Variants in PRRC2B observed in about 807,000 individuals in gnomAD.
The protein encoded by PRRC2B is proline rich coiled-coil 2B.
PRRC2B carries 68 observed loss-of-function variants against 242.3 expected under a neutral mutation model. That is an observed-to-expected ratio of 0.28 (90% CI 0.23 to 0.34). PRRC2B has a LOEUF of 0.34. Among genes scored for constraint, PRRC2B ranks in the 10% least tolerant of loss-of-function variants. The pLI, the probability that PRRC2B is intolerant of heterozygous loss-of-function variation, is 1.00. For missense variants in PRRC2B, 2,835 were observed against 2,954.8 expected, an observed-to-expected ratio of 0.96 and a Z score of 0.94; for synonymous variants, 1,228 against 1,173.6, an observed-to-expected ratio of 1.05 and a Z score of -0.95.
chr9:131,430,772 T>C (rs1426982342), intron 2 of PRRC2B, among the ~76,000 whole-genome samples: 5 of 150,896 alleles, frequency 3.3e-5, no homozygotes, highest in African/African-American at 1.2e-4. Context: ...TTTGTATTTT[T>C]AGTAGAGATG....
intron 31 of PRRC2B, 64 bp from the exon 32 acceptor site, chr9:131,495,676 A>G: frequency 6.4e-7 from 1 of 1,555,978 alleles, no homozygotes; most frequent in Non-Finnish European, 8.8e-7. Context: ...AGTGGTGGGA[A>G]CTATGTATCC....
chr9:131,407,791 G>A (rs1484220616), intron 1 of PRRC2B, among the ~76,000 whole-genome samples: 6 of 152,242 alleles, frequency 3.9e-5, no homozygotes, highest in Non-Finnish European at 5.9e-5. Flanking sequence ...CTGAGAAGCT[G>A]TGGTAGAGTG....
intron 5 of PRRC2B, among the ~76,000 whole-genome samples, chr9:131,443,388 G>A (rs1329015990): frequency 6.6e-6 from 1 of 151,478 alleles, no homozygotes; most frequent in Non-Finnish European, 1.5e-5. Flanking sequence ...CGCCCGCGTC[G>A]GCCTCCCAAA....
At chr9:131,483,258 GT>G in intron 22 of PRRC2B, 100 bp from the exon 23 acceptor site, 3 of 1,153,334 alleles carry the variant, frequency 2.6e-6, no homozygotes, top group Non-Finnish European at 2.6e-6. Context: ...GCTCAGTGGA[GT>G]TTTTGAGTCG....
intron 3 of PRRC2B, among the ~76,000 whole-genome samples, chr9:131,433,362 C>CG (rs1429525161): frequency 2.6e-5 from 4 of 152,222 alleles, no homozygotes; most frequent in Non-Finnish European, 5.9e-5. Flanking sequence ...GGAGGCTCAC[C>CG]TCCTGCCAGC....
At position 131,487,742 on chromosome 9, in the gene PRRC2B, G is replaced by A. The variant is rs1300526177; in HGVS notation, c.5985-114G>A. ...TGGACCCTCTGAGTCGCGCTCTGGG[G>A]GTGGGGCCGGGGATCTGTGGTTTAG... On this transcript the variant is annotated intron_variant, in intron 27 of 31. Transcript: ENST00000683519. The surrounding 1 kb of genome is among the most constrained non-coding windows in gnomAD (Gnocchi z 5.3). 34 of 1,403,778 alleles carry A rather than the reference G, an allele frequency of 2.4e-5. No individual in the cohort carries two copies. Among genetic ancestry groups the A allele is most frequent in the Middle Eastern group, 4.5e-4 (2 of 4,408 alleles). 87.0% of individuals were successfully genotyped at this position (1,403,778 alleles called of 1,614,324 possible).
At chr9:131,416,131 C>T (rs1837642762) in intron 1 of PRRC2B, among the ~76,000 whole-genome samples, 1 of 149,120 alleles carries the variant, frequency 6.7e-6, no homozygotes, top group South Asian at 2.1e-4. Context: ...TTTTTTAAGA[C>T]AGTGTCTTGC....
In PRRC2B at chr9:131,481,851, TGTGA is replaced by T. The variant is rs753353621; in HGVS notation, c.4983+47_4983+50del. On this transcript the variant is annotated intron_variant, in intron 20 of 31. Coordinates refer to ENST00000683519, the MANE Select transcript of PRRC2B (RefSeq NM_013318.4). ...CCACATGCTGCCCCTGGGATGAGTG[TGTGA>T]GTGTGTGCTCACCATCCACACGGCC... is the stretch of plus-strand genomic sequence containing the variant. The T allele has an allele frequency of 2.5e-5, 38 of 1,499,962 alleles. 1 individual carries two copies. The South Asian group carries it at 4.4e-4, about 18-fold the overall frequency. The allele number at this position is 1,499,962 out of a possible 1,614,324, so 92.9% of individuals were successfully genotyped here. A position where few individuals can be genotyped will look rare whatever the true frequency, so the allele number is the denominator to read the frequency against.
chr9:131,479,184 T>A, intron 18 of PRRC2B, 68 bp from the exon 19 acceptor site: 1 of 1,532,004 alleles, frequency 6.5e-7, no homozygotes, highest in Non-Finnish European at 9.0e-7. Context: ...CCTGGGATAC[T>A]TATCCTGGGG....
chr9:131,442,518 C>T (rs1838629637), intron 5 of PRRC2B, among the ~76,000 whole-genome samples: 1 of 152,152 alleles, frequency 6.6e-6, no homozygotes, highest in Admixed American at 6.5e-5. Flanking sequence ...GTCTTACCGT[C>T]AGGTTTATTT....
intron 11 of PRRC2B, among the ~76,000 whole-genome samples, chr9:131,461,659 A>G (rs1384568873): frequency 6.6e-6 from 1 of 152,216 alleles, no homozygotes; most frequent in East Asian, 1.9e-4. Context: ...CTCCTGCCTC[A>G]GCCTCCCGAG....
upstream of PRRC2B, among the ~76,000 whole-genome samples, chr9:131,393,372 C>T (rs1021017649): frequency 2.6e-5 from 4 of 152,062 alleles, no homozygotes; most frequent in Non-Finnish European, 4.4e-5. Context: ...AGTAAGAACC[C>T]TCCTCCGCTC....
intron 1 of PRRC2B, among the ~76,000 whole-genome samples, chr9:131,406,054 A>G (rs909566570): frequency 3.3e-5 from 5 of 152,280 alleles, no homozygotes; most frequent in Non-Finnish European, 5.9e-5. Flanking sequence ...GGCTCTCCAT[A>G]GACCGCAGCT....
In PRRC2B at chr9:131,377,263, C is replaced by T. The variant is rs991918619; in HGVS notation, c.-56+3532C>T. On this transcript the variant is annotated intron_variant, in intron 1 of 1. Coordinates refer to the PRRC2B transcript ENST00000682525. ...CCAAGTAGCTGGGATTACTGGCACA[C>T]GCCACCATGCCCAGCTAATTTTTGT... is the stretch of plus-strand genomic sequence containing the variant. 3.3e-5 allele frequency among the ~76,000 whole-genome samples: 5 copies of T among 152,224 alleles called. No individual in the cohort carries two copies. In the South Asian group the frequency reaches 8.3e-4, roughly 25 times the overall value.
At chr9:131,465,480 G>A (rs1943368940) in intron 12 of PRRC2B, among the ~76,000 whole-genome samples, 2 of 152,126 alleles carry the variant, frequency 1.3e-5, no homozygotes, top group African/African-American at 2.4e-5. Flanking sequence ...AATGGGATGA[G>A]TATGTACCTG....
At chr9:131,434,693 C>T (rs1838285526) in intron 3 of PRRC2B, among the ~76,000 whole-genome samples, 1 of 152,204 alleles carries the variant, frequency 6.6e-6, no homozygotes, top group Non-Finnish European at 1.5e-5. Flanking sequence ...AGTTTGGCTT[C>T]CATTTACAGA....
At position 131,388,161 on chromosome 9, in the gene PRRC2B, C is replaced by T. The variant is rs538212925; in HGVS notation, c.-56+14430C>T. On this transcript the variant is annotated intron_variant, in intron 1 of 1. Transcript: ENST00000682525. ...CGAGATTGCTCCACTGCACTCCAGC[C>T]TGGGCAACAGAGCGAGACGCTGTCT... is the stretch of plus-strand genomic sequence containing the variant. Among the ~76,000 whole-genome samples, 487 of 146,976 alleles carry T rather than the reference C, an allele frequency of 3.3e-3. 10 individuals are homozygous for T. The highest frequency in any genetic ancestry group is 0.011 in the Middle Eastern group (3 of 276).
chr9:131,487,211 G>A lies in PRRC2B; in HGVS notation c.5901G>A (p.Leu1967=), dbSNP rs758628220. Residue 1967 remains leucine, a synonymous_variant, in exon 27 of 32, where the codon CTG becomes CTA. Transcript: ENST00000683519. This position sits in a 1 kb window ranked among gnomAD's most constrained non-coding sequence, Gnocchi z 5.3. ...TCCCGATCTCCCTTCACACATCTCTGCAGGCACAAGCTCAGCTTGGACTGA... is the reference window on the plus strand; with the variant it reads ...TCCCGATCTCCCTTCACACATCTCTACAGGCACAAGCTCAGCTTGGACTGA... The part of the protein sequence containing the change: ...QQIPISLHTS[L]QAQAQLGLRG... 1.2e-6 allele frequency: 2 copies of A among 1,613,786 alleles called. No homozygotes were observed. The highest frequency in any genetic ancestry group is 1.7e-6 in the Non-Finnish European group (2 of 1,179,776).
At chr9:131,375,885 CT>C (rs1252608737) in intron 1 of PRRC2B, among the ~76,000 whole-genome samples, 2 of 151,892 alleles carry the variant, frequency 1.3e-5, no homozygotes, top group African/African-American at 4.8e-5. Flanking sequence ...CCTGTCTCTA[CT>C]AAAAATACAG....
Sources: gnomAD v4.1 joint callset for allele counts (sites outside exome capture counted in the v4.1 genomes callset) on GRCh38, gnomAD v4.1.1 for gene constraint, Gnocchi (gnomAD v3.1) non-coding constraint, MANE v1.5 for transcripts, NCBI Gene and HGNC (gene_info 2026-07-23, HGNC 2026-07-21) for gene names.